The following SORCS1 variants were observed in gnomAD, a reference collection of about 807,000 sequenced individuals.
SORCS1 encodes the protein VPS10 domain-containing receptor SorCS1.
Under a neutral mutation model 146.1 loss-of-function variants are expected in SORCS1, and 60 were observed. The observed-to-expected ratio is 0.41, with a 90% CI of 0.33 to 0.51. The LOEUF (loss-of-function observed/expected upper bound fraction) is 0.51, where lower values mean the gene tolerates loss of function less well. SORCS1 is among the 20% of genes least tolerant of loss of function. The pLI, the probability that SORCS1 is intolerant of heterozygous loss-of-function variation, is 0.21. For missense variants in SORCS1, 1,352 were observed against 1,487.6 expected, an observed-to-expected ratio of 0.91 and a Z score of 1.50; for synonymous variants, 637 against 584.0, an observed-to-expected ratio of 1.09 and a Z score of -1.31.
chr10:107,161,899 C>A (rs7082667), intron 1 of SORCS1, among the ~76,000 whole-genome samples: 125,049 of 152,042 alleles, frequency 0.82, 52,039 homozygotes, highest in Non-Finnish European at 0.9. Flanking sequence ...ACTGGGTCAG[C>A]AGAGGTCTTT....
chr10:106,811,833 A>G (rs1387136020), intron 3 of SORCS1, among the ~76,000 whole-genome samples: 1 of 152,198 alleles, frequency 6.6e-6, no homozygotes, highest in Non-Finnish European at 1.5e-5. Context: ...GTTACTATGT[A>G]GAGAATGTGA....
At chr10:107,015,714 C>T (rs1057443899) in intron 1 of SORCS1, among the ~76,000 whole-genome samples, 5 of 152,184 alleles carry the variant, frequency 3.3e-5, no homozygotes, top group Non-Finnish European at 5.9e-5. Flanking sequence ...TGCAAGGACT[C>T]TTTCCCCATT....
intron 8 of SORCS1, among the ~76,000 whole-genome samples, chr10:106,704,827 C>CT (rs1854401234): frequency 6.6e-6 from 1 of 152,252 alleles, no homozygotes; most frequent in Non-Finnish European, 1.5e-5. Context: ...GAGGATAATT[C>CT]TTTTTTTAAG....
intron 2 of SORCS1, among the ~76,000 whole-genome samples, chr10:106,950,469 T>A (rs1954621170): frequency 6.6e-6 from 1 of 152,180 alleles, no homozygotes; most frequent in Admixed American, 6.5e-5. Context: ...AGTGCACGTA[T>A]CTACTTGTTG....
intron 1 of SORCS1, among the ~76,000 whole-genome samples, chr10:106,983,016 G>A (rs1956298668): frequency 6.6e-6 from 1 of 150,452 alleles, no homozygotes. Context: ...TATACCAAAG[G>A]TGCTTAAAAA....
chr10:106,918,799 T>G (rs1952566142), intron 2 of SORCS1, among the ~76,000 whole-genome samples: 1 of 152,186 alleles, frequency 6.6e-6, no homozygotes, highest in Admixed American at 6.5e-5. Flanking sequence ...AATAACTTCC[T>G]GTTGTATAAT....
In SORCS1 at chr10:106,827,758, T is replaced by C. The variant is rs1031471487; in HGVS notation, c.726+1816A>G. Among the ~76,000 whole-genome samples, 69 of 152,324 alleles carry C rather than the reference T, an allele frequency of 4.5e-4. 1 individual carries two copies. The highest frequency in any genetic ancestry group is 1.6e-3 in the African/African-American group (67 of 41,566). On this transcript the variant is annotated intron_variant, in intron 3 of 25. Coordinates refer to ENST00000263054, the MANE Select transcript of SORCS1 (RefSeq NM_052918.5). ...AGCCAATTAAGGGAAGATAGGAATG[T>C]TTGGGTGTAGTTCTAAATTTGTGAG... is the stretch of plus-strand genomic sequence containing the variant.
intron 6 of SORCS1, among the ~76,000 whole-genome samples, chr10:106,712,191 C>A (rs1855044292): frequency 6.6e-6 from 1 of 152,136 alleles, no homozygotes; most frequent in African/African-American, 2.4e-5. Context: ...ATCTCCCTGG[C>A]AAACTAAAAT....
At chr10:107,004,311 A>G (rs1388440745) in intron 1 of SORCS1, among the ~76,000 whole-genome samples, 1 of 151,924 alleles carries the variant, frequency 6.6e-6, no homozygotes, top group East Asian at 1.9e-4. Context: ...TTCCTGTATT[A>G]GTCTGTTATC....
At chr10:107,012,525 G>T (rs1478251962) in intron 1 of SORCS1, among the ~76,000 whole-genome samples, 2 of 152,072 alleles carry the variant, frequency 1.3e-5, no homozygotes. Context: ...CCATAGCTAT[G>T]AGAAAGATAT....
chr10:107,032,050 A>G (rs897649587), intron 1 of SORCS1, among the ~76,000 whole-genome samples: 9 of 152,168 alleles, frequency 5.9e-5, no homozygotes, highest in African/African-American at 2.2e-4. Flanking sequence ...CAGTGGTAGC[A>G]TTTGCAACCT....
intron 4 of SORCS1, among the ~76,000 whole-genome samples, chr10:106,770,444 G>A (rs1466876649): frequency 6.8e-6 from 1 of 147,010 alleles, no homozygotes; most frequent in Admixed American, 6.8e-5. Context: ...CGACAAAACC[G>A]ATCATTTATT....
intron 2 of SORCS1, among the ~76,000 whole-genome samples, chr10:106,902,398 TC>T (rs1174979115): frequency 2.6e-5 from 4 of 152,000 alleles, no homozygotes; most frequent in Non-Finnish European, 5.9e-5. Flanking sequence ...TAAAAAGAAA[TC>T]ACCACATGCC....
intron 1 of SORCS1, among the ~76,000 whole-genome samples, chr10:107,154,667 G>A (rs1969135515): frequency 2.6e-5 from 4 of 152,056 alleles, no homozygotes; most frequent in Admixed American, 2.6e-4. Flanking sequence ...AAATAGAACT[G>A]GACCGAGAGA....
At chr10:106,972,014 G>T (rs1472235751) in intron 1 of SORCS1, among the ~76,000 whole-genome samples, 2 of 152,148 alleles carry the variant, frequency 1.3e-5, no homozygotes, top group South Asian at 4.2e-4. Flanking sequence ...TTAACACTTT[G>T]TATGACTTTA....
chr10:107,031,827 T>TC (rs1018936498), intron 1 of SORCS1, among the ~76,000 whole-genome samples: 5 of 152,186 alleles, frequency 3.3e-5, no homozygotes, highest in African/African-American at 1.2e-4. Flanking sequence ...ATATTTGTGT[T>TC]CCACACTAAA....
At position 106,975,106 on chromosome 10, in the gene SORCS1, C is replaced by A. The variant is rs560378778; in HGVS notation, c.559-18526G>T. Among the ~76,000 whole-genome samples the A allele has an allele frequency of 6.6e-5, 10 of 152,320 alleles. No homozygotes were observed. The East Asian group carries it at 1.9e-3, about 29-fold the overall frequency. On this transcript the variant is annotated intron_variant, in intron 1 of 25. Coordinates refer to ENST00000263054, the MANE Select transcript of SORCS1 (RefSeq NM_052918.5). ...AAGCAAAACCCTCCCATTCTGTCAA[C>A]TACTTCAGGGAGTTTCTCAATTATC...
intron 1 of SORCS1, among the ~76,000 whole-genome samples, chr10:107,009,438 G>A (rs12261710): frequency 0.084 from 12,738 of 152,164 alleles, 1,760 homozygotes; most frequent in African/African-American, 0.29. Context: ...TGATCAACAC[G>A]AAGGGCAAGT....
At chr10:106,595,431 G>T (rs1845849308) in intron 24 of SORCS1, among the ~76,000 whole-genome samples, 1 of 152,188 alleles carries the variant, frequency 6.6e-6, no homozygotes, top group Non-Finnish European at 1.5e-5. Context: ...CTGTTCAAAG[G>T]TCTTGATGGC....
Sources: allele counts gnomAD v4.1 joint callset (sites outside exome capture counted in the v4.1 genomes callset), GRCh38; gene constraint gnomAD v4.1.1; transcripts MANE v1.5; gene names NCBI Gene and HGNC (gene_info 2026-07-23, HGNC 2026-07-21).